Variants in SLCO3A1 observed in about 807,000 individuals in gnomAD.
The protein encoded by SLCO3A1 is PGE1 transporter.
SLCO3A1 carries 27 observed loss-of-function variants against 63.1 expected under a neutral mutation model. The ratio of observed to expected loss-of-function variants is 0.43; its 90% confidence interval spans 0.32 to 0.59. SLCO3A1 has a LOEUF of 0.59. Ranked by LOEUF, SLCO3A1 falls within the 20% of genes least tolerant of loss-of-function variation. SLCO3A1 has a pLI of 0.09. For synonymous variants in SLCO3A1, 473 were observed against 409.9 expected (o/e 1.15, Z -1.86); for missense variants, 773 against 945.8 (o/e 0.82, Z 2.40).
chr15:91,898,083 T>C (rs1253284989), intron 1 of SLCO3A1, among the ~76,000 whole-genome samples: 1 of 152,158 alleles, frequency 6.6e-6, no homozygotes, highest in East Asian at 1.9e-4. Flanking sequence ...CAGTTAACAT[T>C]ATAGGGCTCT....
At chr15:92,055,951 C>G (rs900573588) in intron 2 of SLCO3A1, among the ~76,000 whole-genome samples, 1 of 152,068 alleles carries the variant, frequency 6.6e-6, no homozygotes, top group Non-Finnish European at 1.5e-5. Context: ...ATCCACAAAC[C>G]GTGGTTAACT....
intron 2 of SLCO3A1, among the ~76,000 whole-genome samples, chr15:92,058,774 C>T (rs2047051809): frequency 6.6e-6 from 1 of 151,954 alleles, no homozygotes; most frequent in Non-Finnish European, 1.5e-5. Flanking sequence ...GGGTTAACTT[C>T]TTCTGGAGGC....
At chr15:92,037,291 A>T (rs1463990491) in intron 2 of SLCO3A1, among the ~76,000 whole-genome samples, 1 of 152,220 alleles carries the variant, frequency 6.6e-6, no homozygotes, top group Non-Finnish European at 1.5e-5. Context: ...CTTGTCCTGG[A>T]GGATTCATGC....
chr15:92,169,702 G>T (rs2151609245), downstream of SLCO3A1, among the ~76,000 whole-genome samples: 1 of 152,312 alleles, frequency 6.6e-6, no homozygotes. Context: ...TGGCACCCCT[G>T]TAGTCTACAG....
In SLCO3A1 at chr15:91,862,072, C is replaced by T. The variant is rs182458666; in HGVS notation, c.180+7984C>T. Among the ~76,000 whole-genome samples, 46 of 152,172 alleles carry T rather than the reference C, an allele frequency of 3.0e-4. No homozygotes were observed. Among genetic ancestry groups the T allele is most frequent in the African/African-American group, 1.0e-3 (42 of 41,522 alleles). On this transcript the variant is annotated intron_variant, in intron 1 of 9. Transcript: ENST00000318445. The surrounding 1 kb of genome is among the most constrained non-coding windows in gnomAD (Gnocchi z 4.0). ...TTTTCAGTACTCTCCTTTTCATGGA[C>T]GTAATAGTCCAAGTGGCATTTTAAG...
Position 91,948,836 on chromosome 15 carries a change from C to A in SLCO3A1, c.646+32378C>A, listed in dbSNP as rs186485039. Among the ~76,000 whole-genome samples, 12 of 152,116 alleles carry A rather than the reference C, an allele frequency of 7.9e-5. No homozygotes were observed. Among genetic ancestry groups the A allele is most frequent in the African/African-American group, 2.9e-4 (12 of 41,422 alleles). ...GGGTGGCATGTGCCAGCCTCCTTGC[C>A]AAGTGTCTCAGAGCCTGCAGAGCAC... On this transcript the variant is annotated intron_variant, in intron 2 of 9. Coordinates refer to ENST00000318445, the MANE Select transcript of SLCO3A1 (RefSeq NM_013272.4). The surrounding 1 kb of genome is among the most constrained non-coding windows in gnomAD (Gnocchi z 4.8).
intron 9 of SLCO3A1, among the ~76,000 whole-genome samples, chr15:92,160,632 T>C (rs2048424333): frequency 6.6e-6 from 1 of 152,116 alleles, no homozygotes; most frequent in African/African-American, 2.4e-5. Context: ...CCAGAAATCT[T>C]CTCCGGGGCT....
intron 3 of SLCO3A1, among the ~76,000 whole-genome samples, chr15:92,099,600 CT>C (rs150534235): frequency 0.016 from 2,484 of 152,224 alleles, 64 homozygotes; most frequent in African/African-American, 0.057. Flanking sequence ...TTTCCAGTGA[CT>C]TTTCATTTGA....
intron 2 of SLCO3A1, among the ~76,000 whole-genome samples, chr15:91,995,901 CTACAAAAA>C (rs1249354340): frequency 6.6e-6 from 1 of 152,080 alleles, no homozygotes; most frequent in Non-Finnish European, 1.5e-5. Flanking sequence ...TAAAGAATGT[CTACAAAAA>C]TATTCAAGAA....
intron 3 of SLCO3A1, among the ~76,000 whole-genome samples, chr15:92,102,437 G>A (rs886702666): frequency 1.3e-5 from 2 of 152,180 alleles, no homozygotes; most frequent in African/African-American, 4.8e-5. Flanking sequence ...TGTGCATCAG[G>A]TGATTCTTGC....
intron 9 of SLCO3A1, among the ~76,000 whole-genome samples, chr15:92,156,024 A>C (rs2048366846): frequency 6.6e-6 from 1 of 152,080 alleles, no homozygotes; most frequent in South Asian, 2.1e-4. Flanking sequence ...TCCTGAGCAG[A>C]TTGTCCTTGG....
chr15:92,028,771 G>T (rs914312864), intron 2 of SLCO3A1, among the ~76,000 whole-genome samples: 4 of 152,166 alleles, frequency 2.6e-5, no homozygotes, highest in Non-Finnish European at 5.9e-5. Context: ...TTTTCCATTA[G>T]ATCCGAAGCC....
intron 2 of SLCO3A1, among the ~76,000 whole-genome samples, chr15:92,048,024 CT>C (rs1273406003): frequency 1.4e-4 from 22 of 152,170 alleles, no homozygotes; most frequent in African/African-American, 5.1e-4. Context: ...CTCTCTGCCC[CT>C]AATAGACCAC....
At chr15:92,050,196 C>T (rs538291443) in intron 2 of SLCO3A1, among the ~76,000 whole-genome samples, 67 of 152,318 alleles carry the variant, frequency 4.4e-4, no homozygotes, top group African/African-American at 1.4e-3. Context: ...CTCTCTGCTT[C>T]GAAGGTGTTA....
At chr15:91,866,636 C>T (rs906982812) in intron 1 of SLCO3A1, among the ~76,000 whole-genome samples, 3 of 151,120 alleles carry the variant, frequency 2.0e-5, no homozygotes, top group African/African-American at 4.9e-5. Flanking sequence ...TAATTAACTT[C>T]GACAACTTCC....
rs111298547 is a variant in SLCO3A1, at chr15:92,073,636, T to C, written c.647-21245T>C. Among the ~76,000 whole-genome samples the C allele has an allele frequency of 1.4e-3, 207 of 152,354 alleles. 1 individual carries two copies. Among genetic ancestry groups the C allele is most frequent in the African/African-American group, 4.9e-3 (202 of 41,588 alleles). On this transcript the variant is annotated intron_variant, in intron 2 of 9. Coordinates refer to ENST00000318445, the MANE Select transcript of SLCO3A1 (RefSeq NM_013272.4). ...AGCAAGGCTTTGAGATCAATTGCAC[T>C]TCGGTGGCTTTTGAGTAGTTTCTCA...
At chr15:92,124,564 C>T (rs2047899595) in intron 5 of SLCO3A1, among the ~76,000 whole-genome samples, 1 of 152,012 alleles carries the variant, frequency 6.6e-6, no homozygotes, top group African/African-American at 2.4e-5. Flanking sequence ...GTGCTGGGTA[C>T]CATGCTAGAC....
chr15:92,160,822 C>T (rs2048427599), intron 9 of SLCO3A1, among the ~76,000 whole-genome samples: 1 of 152,176 alleles, frequency 6.6e-6, no homozygotes, highest in Non-Finnish European at 1.5e-5. Flanking sequence ...CTTCATTAAG[C>T]CTTCCCTCTC....
intron 2 of SLCO3A1, among the ~76,000 whole-genome samples, chr15:92,047,525 AAATATATAAATATATAT>A (rs1555427681): frequency 4.0e-5 from 1 of 25,024 alleles, no homozygotes; most frequent in African/African-American, 2.0e-4. Flanking sequence ...ATACATAAAT[AAATATATAAATATATAT>A]AATATATAAA....
Sources: allele counts gnomAD v4.1 joint callset (sites outside exome capture counted in the v4.1 genomes callset), GRCh38; gene constraint gnomAD v4.1.1; non-coding constraint Gnocchi (gnomAD v3.1); transcripts MANE v1.5; gene names NCBI Gene and HGNC (gene_info 2026-07-23, HGNC 2026-07-21).